Variants in ZFHX4 observed in about 807,000 individuals in gnomAD.
ZFHX4 encodes zinc finger homeobox 4.
ZFHX4 carries 56 observed loss-of-function variants against 267.6 expected under a neutral mutation model. That is an observed-to-expected ratio of 0.21 (90% confidence interval 0.17 to 0.26). ZFHX4 has a LOEUF of 0.26. Among genes scored for constraint, ZFHX4 ranks in the 10% least tolerant of loss-of-function variants. The pLI is 1.00. For synonymous variants in ZFHX4, 1,778 were observed against 1,665.6 expected (o/e 1.07, Z -1.64); for missense variants, 4,332 against 4,420.0 (o/e 0.98, Z 0.56).
chr8:76,862,935 T>C (rs571119258), intron 10 of ZFHX4, among the ~76,000 whole-genome samples, 159 bp from the exon 11 acceptor site: 36 of 152,344 alleles, frequency 2.4e-4, no homozygotes, highest in Admixed American at 2.4e-3. Flanking sequence ...AAGCCCCATG[T>C]TGAAGTTCTA....
chr8:76,833,070 G>C (rs891187950), intron 4 of ZFHX4, among the ~76,000 whole-genome samples: 1 of 152,066 alleles, frequency 6.6e-6, no homozygotes, highest in Non-Finnish European at 1.5e-5. Context: ...CAAAAATCAT[G>C]ATGAGCCTTT....
chr8:76,733,368 C>A (rs79173287), intron 3 of ZFHX4: 5,117 of 152,340 alleles, frequency 0.034, 112 homozygotes, highest in East Asian at 0.1. Context: ...CCTGATCCCC[C>A]ACGTCTGTGC....
rs373264555 is a variant in ZFHX4, at chr8:76,708,029, C to T, written c.3074C>T (p.Ala1025Val). ...RLHTTNHRHEAALKLYKHLQK... is the reference protein window; with the variant it reads ...RLHTTNHRHEVALKLYKHLQK... ...CATACCACCAATCACAGGCACGAGG[C>T]GGCCCTGAAGCTCTACAAGGTAAGC... Residue 1025 changes from alanine (A) to valine (V), a missense_variant, in exon 3 of 11, where the codon GCG (alanine) becomes GTG (valine). This residue lies in a region of ZFHX4 where 1,371 missense variants were observed against 1,423.1 expected (regional missense o/e 0.96). Transcript: ENST00000651372. 28 of 1,613,334 alleles carry T rather than the reference C, an allele frequency of 1.7e-5. No homozygotes were observed. Among genetic ancestry groups the T allele is most frequent in the South Asian group, 2.2e-5 (2 of 91,088 alleles).
At chr8:76,815,766 G>T (rs1811489970) in intron 4 of ZFHX4, among the ~76,000 whole-genome samples, 1 of 152,172 alleles carries the variant, frequency 6.6e-6, no homozygotes, top group Non-Finnish European at 1.5e-5. Flanking sequence ...CTCCCAAAGT[G>T]CTGAGATCGT....
At chr8:76,761,134 A>G (rs1233084378) in intron 3 of ZFHX4, among the ~76,000 whole-genome samples, 1 of 152,160 alleles carries the variant, frequency 6.6e-6, no homozygotes, top group Admixed American at 6.5e-5. Context: ...AAACTTGTTT[A>G]TATTCATTAG....
At chr8:76,837,144 G>A (rs990241194) in intron 5 of ZFHX4, among the ~76,000 whole-genome samples, 1 of 152,184 alleles carries the variant, frequency 6.6e-6, no homozygotes, top group Non-Finnish European at 1.5e-5. Context: ...GTCTAGGGAG[G>A]TAATGTAGAT....
chr8:76,710,006 A>C (rs1462062484), intron 3 of ZFHX4, among the ~76,000 whole-genome samples: 1 of 152,174 alleles, frequency 6.6e-6, no homozygotes, highest in African/African-American at 2.4e-5. Flanking sequence ...GCCTTAAAGC[A>C]GAGAGAGCTT....
chr8:76,780,018 A>G (rs925677844), intron 4 of ZFHX4, among the ~76,000 whole-genome samples: 3 of 151,764 alleles, frequency 2.0e-5, no homozygotes, highest in Non-Finnish European at 4.4e-5. Flanking sequence ...GCAAAAAGAT[A>G]TGTTCAAATG....
chr8:76,700,546 A>G (rs1808076578), intron 1 of ZFHX4, among the ~76,000 whole-genome samples: 1 of 152,182 alleles, frequency 6.6e-6, no homozygotes. Flanking sequence ...GGCTCCTTGT[A>G]GGTGGGTTTG....
chr8:76,764,349 T>C (rs1471581481), intron 3 of ZFHX4, among the ~76,000 whole-genome samples: 1 of 152,132 alleles, frequency 6.6e-6, no homozygotes, highest in African/African-American at 2.4e-5. Flanking sequence ...CTGAGAGATT[T>C]GTTTGTTTGT....
intron 3 of ZFHX4, among the ~76,000 whole-genome samples, chr8:76,722,164 A>G (rs1348290767): frequency 6.6e-6 from 1 of 152,086 alleles, no homozygotes; most frequent in Non-Finnish European, 1.5e-5. Flanking sequence ...AGGGCTACCA[A>G]TGTTCCTACT....
rs189784884 is a variant in ZFHX4, at chr8:76,691,619, A to C, written c.-47+9999A>C. Among the ~76,000 whole-genome samples, 418 of 152,278 alleles carry C rather than the reference A, an allele frequency of 2.7e-3. 2 individuals are homozygous for C. The highest frequency in any genetic ancestry group is 9.6e-3 in the African/African-American group (399 of 41,568). ...CACCTACTACATTTGTTGGCAACCC[A>C]ATGCTTAATAGGAATCTTATTCAAC... On this transcript the variant is annotated intron_variant, in intron 1 of 10. Coordinates refer to ENST00000651372, the MANE Select transcript of ZFHX4 (RefSeq NM_024721.5).
Position 76,854,939 on chromosome 8 carries a change from C to A in ZFHX4, c.8018C>A (p.Ser2673Tyr), listed in dbSNP as rs1357279763. 4 of 1,613,844 alleles carry A rather than the reference C, an allele frequency of 2.5e-6. No individual in the cohort carries two copies. The African/African-American group carries it at 5.3e-5, about 22-fold the overall frequency. Reference sequence around the variant, plus strand: ...TTCCGGGCGGTGGGTCCAGCACAGTCTCATAAACGGTGTCCGTTTTGCCGA... The same window carrying A: ...TTCCGGGCGGTGGGTCCAGCACAGTATCATAAACGGTGTCCGTTTTGCCGA... The part of the protein sequence containing the change: ...GQFRAVGPAQ[S>Y]HKRCPFCRAL... Residue 2673 changes from serine (S) to tyrosine (Y), a missense_variant, in exon 10 of 11, where the codon TCT becomes TAT. Around this residue, in one of 7 missense-constraint regions of ZFHX4, gnomAD observed 1,648 missense variants for 1,625.0 expected, o/e 1.01. Transcript: ENST00000651372.
At chr8:76,756,431 C>T (rs1413256385) in intron 3 of ZFHX4, among the ~76,000 whole-genome samples, 3 of 151,978 alleles carry the variant, frequency 2.0e-5, no homozygotes, top group African/African-American at 7.3e-5. Context: ...AACAGAGAGA[C>T]CAGATTGAGG....
At chr8:76,769,721 A>G (rs1184914673) in intron 3 of ZFHX4, among the ~76,000 whole-genome samples, 14 of 152,100 alleles carry the variant, frequency 9.2e-5, no homozygotes, top group Admixed American at 9.2e-4. Flanking sequence ...GGGTCACTTG[A>G]TTTCATTCAC....
intron 3 of ZFHX4, among the ~76,000 whole-genome samples, chr8:76,754,293 G>A (rs554751420): frequency 6.6e-6 from 1 of 152,226 alleles, no homozygotes; most frequent in African/African-American, 2.4e-5. Flanking sequence ...TTTGAGACCA[G>A]CCTGGCCAAC....
At chr8:76,700,908 T>C (rs1037750951) in intron 1 of ZFHX4, among the ~76,000 whole-genome samples, 4 of 152,152 alleles carry the variant, frequency 2.6e-5, no homozygotes, top group Non-Finnish European at 4.4e-5. Flanking sequence ...GAAGGAACTT[T>C]TATAGTGAGT....
In ZFHX4 at chr8:76,704,941, T is replaced by C; in HGVS notation, c.853T>C (p.Leu285=). The C allele has an allele frequency of 6.2e-7, 1 of 1,614,032 alleles. No individual in the cohort carries two copies. Among genetic ancestry groups the C allele is most frequent in the Non-Finnish European group, 8.5e-7 (1 of 1,179,906 alleles). Residue 285 remains leucine (L), a synonymous_variant, in exon 2 of 11, where the codon TTG becomes CTG. Coordinates refer to ENST00000651372, the MANE Select transcript of ZFHX4 (RefSeq NM_024721.5). ...TGTTTTAATGTGTTTCTTGTGCAAG[T>C]TGTCTTTTGGTTATATCAGGTCATT... The part of the protein sequence containing the change: ...KPVLMCFLCK[L]SFGYIRSFVT...
At chr8:76,691,369 A>G (rs1170369901) in intron 1 of ZFHX4, among the ~76,000 whole-genome samples, 1 of 152,084 alleles carries the variant, frequency 6.6e-6, no homozygotes, top group Non-Finnish European at 1.5e-5. Context: ...AAGTGTATTT[A>G]TCATAATCAT....
Sources: gnomAD v4.1 joint callset for allele counts (sites outside exome capture counted in the v4.1 genomes callset) on GRCh38, gnomAD v4.1.1 for gene constraint, gnomAD v4.1.1 regional missense constraint, MANE v1.5 for transcripts, NCBI Gene and HGNC (gene_info 2026-07-23, HGNC 2026-07-21) for gene names.